Variants in KHDC4 observed in about 807,000 individuals in gnomAD.
KHDC4 encodes the protein KH domain containing 4, pre-mRNA splicing factor.
In KHDC4, 19 loss-of-function variants were observed where a neutral mutation model predicts 74.5. The observed-to-expected ratio is 0.26, with a 90% CI of 0.18 to 0.37. The LOEUF (loss-of-function observed/expected upper bound fraction) is 0.37. Among genes scored for constraint, KHDC4 ranks in the 10% least tolerant of loss-of-function variants. The pLI is 1.00. For synonymous variants in KHDC4, 253 were observed against 266.1 expected (o/e 0.95, Z 0.48); for missense variants, 632 against 754.1 (o/e 0.84, Z 1.90).
chr1:155,922,224 C>T (rs1673883602), intron 8 of KHDC4, among the ~76,000 whole-genome samples: 1 of 150,144 alleles, frequency 6.7e-6, no homozygotes. Context: ...CAGCTCACTG[C>T]AACCTCCACC....
At chr1:155,919,124 C>T (rs1383340647) in intron 10 of KHDC4, among the ~76,000 whole-genome samples, 4 of 151,822 alleles carry the variant, frequency 2.6e-5, no homozygotes, top group South Asian at 2.1e-4. Context: ...CCTGCCACCG[C>T]GCCCAGCTAA....
At chr1:155,919,905 T>C (rs766692204) in intron 10 of KHDC4, 1 of 343,558 alleles carries the variant, frequency 2.9e-6, no homozygotes, top group East Asian at 8.4e-5. Context: ...GCTTTTTTGT[T>C]ACACACTGTG....
intron 13 of KHDC4, chr1:155,915,666 C>T (rs1673715344): frequency 8.2e-6 from 4 of 490,090 alleles, no homozygotes; most frequent in Admixed American, 7.0e-5. Flanking sequence ...CACCACCATG[C>T]CCGCTAGTTT....
rs201421397 is a variant in KHDC4 at position 155,915,858 on chromosome 1, C to T, written c.1645+15G>A. The T allele has an allele frequency of 6.6e-7, 1 of 1,524,004 alleles. No homozygotes were observed. The highest frequency in any genetic ancestry group is 1.4e-5 in the African/African-American group (1 of 71,744). 94.4% of individuals were successfully genotyped at this position (1,524,004 alleles called of 1,614,324 possible). A position where few individuals can be genotyped will look rare whatever the true frequency, so the allele number is the denominator to read the frequency against. Reference sequence around the variant, plus strand: ...CTTAGCCACTCCCCTGTTCCCCCAGCTATATCACACTCACCATGGCTCCCT... The same window carrying T: ...CTTAGCCACTCCCCTGTTCCCCCAGTTATATCACACTCACCATGGCTCCCT... On this transcript the variant is annotated intron_variant, in intron 13 of 13. Transcript: ENST00000368321.
intron 13 of KHDC4, chr1:155,914,626 C>T (rs1572002774): frequency 7.0e-6 from 2 of 286,162 alleles, no homozygotes; most frequent in East Asian, 1.4e-4. Context: ...GATATTTCAC[C>T]TTTTAAAGAG....
intron 8 of KHDC4, among the ~76,000 whole-genome samples, chr1:155,922,798 T>G (rs545796132): frequency 1.6e-4 from 25 of 152,168 alleles, no homozygotes; most frequent in African/African-American, 6.0e-4. Context: ...TCAGGTGCTA[T>G]GTACAAAAGT....
chr1:155,921,316 C>T, intron 10 of KHDC4, 59 bp downstream of exon 10: 1 of 1,578,580 alleles, frequency 6.3e-7, no homozygotes, highest in Non-Finnish European at 8.7e-7. Flanking sequence ...ACTACTTCCC[C>T]TCTTTCCCCA....
At chr1:155,917,466 G>T in intron 11 of KHDC4, 33 bp downstream of exon 11, 1 of 1,527,434 alleles carries the variant, frequency 6.5e-7, no homozygotes, top group Non-Finnish European at 9.1e-7. Flanking sequence ...GAAGAATAAG[G>T]TGAAGATAGG....
intron 10 of KHDC4, among the ~76,000 whole-genome samples, chr1:155,918,892 G>A (rs1673790128): frequency 6.6e-6 from 1 of 151,500 alleles, no homozygotes; most frequent in African/African-American, 2.4e-5. Flanking sequence ...ACCCTAGACA[G>A]GGCAAGTTAC....
At chr1:155,923,770 TAC>T in intron 7 of KHDC4, 83 bp from the exon 8 acceptor site, 1 of 991,078 alleles carries the variant, frequency 1.0e-6, no homozygotes. Context: ...CATGCTATTT[TAC>T]ATATCTACAT....
chr1:155,932,372 A>G (rs1674159441), intron 2 of KHDC4: 1 of 124,120 alleles, frequency 8.1e-6, no homozygotes. Flanking sequence ...GCAGGTATAT[A>G]TTACCAACGA....
At chr1:155,928,266 C>T (rs1404583967) in intron 4 of KHDC4, among the ~76,000 whole-genome samples, 4 of 151,638 alleles carry the variant, frequency 2.6e-5, no homozygotes, top group African/African-American at 4.8e-5. Context: ...CCCAGCTACT[C>T]GGGAGGGTGA....
At chr1:155,931,777 A>G (rs927688835) in intron 2 of KHDC4, among the ~76,000 whole-genome samples, 2 of 152,242 alleles carry the variant, frequency 1.3e-5, no homozygotes, top group African/African-American at 4.8e-5. Flanking sequence ...TACTTTGTGC[A>G]TTAAATACAT....
At position 155,915,929 on chromosome 1, in the gene KHDC4, C is replaced by T. The variant is rs1252829715; in HGVS notation, c.1589G>A (p.Gly530Glu). 6.3e-7 allele frequency: 1 copy of T among 1,598,662 alleles called. No individual in the cohort carries two copies. The highest frequency in any genetic ancestry group is 1.4e-5 in the African/African-American group (1 of 73,612). Residue 530 changes from glycine (G) to glutamate (E), a missense_variant, in exon 13 of 14, where the codon GGA (glycine) becomes GAA (glutamate). Transcript: ENST00000368321. ...CCTTTCATCGGACTCTGTTTTTATT[C>T]CAGTCACTGGAAAGGCTGGTGGAGG... ...LMPPPAFPVT[G>E]IKTESDERNG...
chr1:155,924,634 A>G (rs1444731490), intron 7 of KHDC4, among the ~76,000 whole-genome samples: 1 of 130,782 alleles, frequency 7.6e-6, no homozygotes, highest in Non-Finnish European at 1.6e-5. Context: ...AGTGCAATGG[A>G]GCAGTCTCAG....
chr1:155,928,484 C>G (rs945006151), intron 4 of KHDC4, among the ~76,000 whole-genome samples: 6 of 151,380 alleles, frequency 4.0e-5, no homozygotes, highest in East Asian at 3.9e-4. Context: ...TCCCTAAGTA[C>G]CTATCAACTG....
chr1:155,915,510 GTATT>G (rs917305870), intron 13 of KHDC4: 90 of 234,946 alleles, frequency 3.8e-4, no homozygotes, highest in African/African-American at 1.2e-3. Context: ...CTTTATTTAT[GTATT>G]TATTTATTTA....
chr1:155,933,504 T>G, intron 2 of KHDC4, 129 bp downstream of exon 2: 1 of 636,986 alleles, frequency 1.6e-6, no homozygotes, highest in African/African-American at 1.8e-5. Context: ...CAGGCTGGTC[T>G]CAAACTCCTG....
chr1:155,924,652 C>A (rs563056122), intron 7 of KHDC4, among the ~76,000 whole-genome samples: 1 of 150,492 alleles, frequency 6.6e-6, no homozygotes, highest in South Asian at 2.1e-4. Flanking sequence ...CAGCTCACTG[C>A]AACCTCCGCC....
Sources: allele counts gnomAD v4.1 joint callset (sites outside exome capture counted in the v4.1 genomes callset), GRCh38; gene constraint gnomAD v4.1.1; transcripts MANE v1.5; gene names NCBI Gene and HGNC (gene_info 2026-07-23, HGNC 2026-07-21).